The following CDK5RAP2 variants were observed in gnomAD, a reference collection of about 807,000 sequenced individuals.
CDK5RAP2 encodes CDK5 regulatory subunit-associated protein 2.
A neutral mutation model predicts 232.9 loss-of-function variants in CDK5RAP2; 147 were observed. The observed-to-expected ratio is 0.63, with a 90% confidence interval of 0.55 to 0.72. CDK5RAP2 has a LOEUF of 0.72. CDK5RAP2 is among the 30% of genes least tolerant of loss of function. CDK5RAP2 has a pLI of 0.00. For synonymous variants in CDK5RAP2, 833 were observed against 833.7 expected, an observed-to-expected ratio of 1.00 and a Z score of 0.01; for missense variants, 2,195 against 2,231.5, an observed-to-expected ratio of 0.98 and a Z score of 0.33.
chr9:120,577,964 T>A (rs769398398), intron 1 of CDK5RAP2, among the ~76,000 whole-genome samples: 28 of 152,280 alleles, frequency 1.8e-4, no homozygotes, highest in Non-Finnish European at 3.4e-4. Context: ...GAAGAGCAGA[T>A]TTATATTTAA....
At chr9:120,461,057 A>G (rs1001035298) in intron 18 of CDK5RAP2, among the ~76,000 whole-genome samples, 12 of 152,272 alleles carry the variant, frequency 7.9e-5, no homozygotes, top group African/African-American at 1.7e-4. Context: ...GAAAATAGCT[A>G]TTGATGGAAT....
intron 29 of CDK5RAP2, among the ~76,000 whole-genome samples, chr9:120,411,070 A>T (rs1484676201): frequency 6.6e-6 from 1 of 152,194 alleles, no homozygotes; most frequent in African/African-American, 2.4e-5. Flanking sequence ...GTGACAAGCA[A>T]ATAAAGTAAC....
intron 22 of CDK5RAP2, among the ~76,000 whole-genome samples, chr9:120,444,092 C>CA (rs1349963635): frequency 6.6e-6 from 1 of 152,024 alleles, no homozygotes; most frequent in Admixed American, 6.5e-5. Context: ...GGTGTCTCAG[C>CA]AAAAAATAAA....
Position 120,394,508 on chromosome 9 carries a change from T to C in CDK5RAP2, c.5578+4A>G. 6.2e-7 allele frequency: 1 copy of C among 1,614,146 alleles called. No homozygotes were observed. Among genetic ancestry groups the C allele is most frequent in the Non-Finnish European group, 8.5e-7 (1 of 1,180,026 alleles). On this transcript the variant is annotated splice_donor_region_variant and intron_variant, in intron 36 of 37. Coordinates refer to ENST00000349780, the MANE Select transcript of CDK5RAP2 (RefSeq NM_018249.6). ...GCATAGCGGCCACCCCCACACTCAC[T>C]CACATTGATCAAAGATGACTTTTTC... is the stretch of plus-strand genomic sequence containing the variant.
At chr9:120,522,569 T>C (rs2040719237) in intron 11 of CDK5RAP2, among the ~76,000 whole-genome samples, 1 of 152,252 alleles carries the variant, frequency 6.6e-6, no homozygotes, top group Non-Finnish European at 1.5e-5. Flanking sequence ...AAGTACTTTA[T>C]AAATTTCCTA....
In CDK5RAP2 at chr9:120,470,233, G is replaced by T; in HGVS notation, c.1859-13C>A. 1.8e-4 allele frequency: 188 copies of T among 1,024,514 alleles called. No individual in the cohort carries two copies. The highest frequency in any genetic ancestry group is 4.8e-4 in the Middle Eastern group (2 of 4,188). The allele number at this position is 1,024,514 out of a possible 1,614,324, so 63.5% of individuals were successfully genotyped here. On this transcript the variant is annotated splice_polypyrimidine_tract_variant and intron_variant, in intron 16 of 37. Transcript: ENST00000349780. ...GAAAATGATTCTTCTGCCCAAAAAA[G>T]AAAAAAAAAAGGTGGGGAGGGGGAG...
intron 7 of CDK5RAP2, 106 bp downstream of exon 7, chr9:120,536,266 G>A (rs2041379823): frequency 7.9e-7 from 1 of 1,271,438 alleles, no homozygotes; most frequent in South Asian, 1.2e-5. Context: ...AGTCCTATGG[G>A]AAACATGGGG....
At position 120,388,982 on chromosome 9, in the gene CDK5RAP2, T is replaced by TCA; in HGVS notation, c.*253_*254insTG. On this transcript the variant is annotated 3_prime_UTR_variant, in exon 38 of 38. Coordinates refer to ENST00000349780, the MANE Select transcript of CDK5RAP2 (RefSeq NM_018249.6). Reference sequence around the variant, plus strand: ...GCCCACCAAGGCGCACAGCCTCAACTCCGGTGCCTGCCCCTGATCTGAAAT... The same window carrying TCA: ...GCCCACCAAGGCGCACAGCCTCAACTCACCGGTGCCTGCCCCTGATCTGAAAT... 1 of 579,014 alleles carries TCA rather than the reference T, an allele frequency of 1.7e-6. No individual in the cohort carries two copies. Among genetic ancestry groups the TCA allele is most frequent in the Non-Finnish European group, 3.1e-6 (1 of 326,768 alleles). The allele number at this position is 579,014 out of a possible 1,614,324, so 35.9% of individuals were successfully genotyped here.
At chr9:120,441,374 T>TTG (rs953976283) in intron 23 of CDK5RAP2, among the ~76,000 whole-genome samples, 5 of 152,184 alleles carry the variant, frequency 3.3e-5, no homozygotes, top group South Asian at 2.1e-4. Context: ...CACTGAAAAG[T>TTG]TGTGTGTGTG....
At chr9:120,498,084 A>G (rs1163288849) in intron 12 of CDK5RAP2, among the ~76,000 whole-genome samples, 1 of 152,212 alleles carries the variant, frequency 6.6e-6, no homozygotes, top group African/African-American at 2.4e-5. Context: ...CATGTTCCAT[A>G]TGCCGCAAAG....
At chr9:120,574,953 G>A (rs2042978350) in intron 1 of CDK5RAP2, among the ~76,000 whole-genome samples, 1 of 151,934 alleles carries the variant, frequency 6.6e-6, no homozygotes, top group South Asian at 2.1e-4. Context: ...CTTCCCGGAG[G>A]TTGGGGGTGG....
At chr9:120,486,137 C>T (rs1327508045) in intron 14 of CDK5RAP2, among the ~76,000 whole-genome samples, 1 of 152,164 alleles carries the variant, frequency 6.6e-6, no homozygotes, top group East Asian at 1.9e-4. Context: ...CCTGGTCCCT[C>T]CCTAGGGACC....
intron 34 of CDK5RAP2, 90 bp from the exon 35 acceptor site, chr9:120,400,975 G>T: frequency 6.9e-7 from 1 of 1,442,478 alleles, no homozygotes; most frequent in Non-Finnish European, 9.6e-7. Context: ...TCTCCAGACT[G>T]TAGGGCTTCT....
At chr9:120,414,398 A>C (rs1386145248) in intron 28 of CDK5RAP2, among the ~76,000 whole-genome samples, 1 of 152,224 alleles carries the variant, frequency 6.6e-6, no homozygotes, top group African/African-American at 2.4e-5. Flanking sequence ...CTAGAGCAAT[A>C]AGGAAAGATG....
chr9:120,390,507 G>A (rs1047071920), intron 36 of CDK5RAP2, among the ~76,000 whole-genome samples: 4 of 152,176 alleles, frequency 2.6e-5, no homozygotes, highest in African/African-American at 9.7e-5. Flanking sequence ...CCGTGCATGA[G>A]AATTCCCAGG....
chr9:120,567,516 A>T (rs2042690185), intron 3 of CDK5RAP2, among the ~76,000 whole-genome samples: 1 of 152,258 alleles, frequency 6.6e-6, no homozygotes, highest in Non-Finnish European at 1.5e-5. Context: ...TTCCCATGAT[A>T]AATGAGAGCA....
intron 14 of CDK5RAP2, among the ~76,000 whole-genome samples, chr9:120,484,868 C>T (rs554164250): frequency 1.3e-5 from 2 of 152,018 alleles, no homozygotes; most frequent in South Asian, 4.2e-4. Flanking sequence ...GCGTGCACCA[C>T]TGTGCCAACC....
intron 28 of CDK5RAP2, among the ~76,000 whole-genome samples, chr9:120,414,262 G>A (rs112068128): frequency 6.6e-4 from 101 of 152,210 alleles, no homozygotes; most frequent in African/African-American, 1.5e-3. Context: ...ATTGCTCAAC[G>A]TCACAAAGCT....
At chr9:120,464,629 G>C (rs1280214330) in intron 18 of CDK5RAP2, among the ~76,000 whole-genome samples, 2 of 152,080 alleles carry the variant, frequency 1.3e-5, no homozygotes, top group East Asian at 1.9e-4. Flanking sequence ...TACTGGACAA[G>C]AATCTGCATT....
Sources: allele counts gnomAD v4.1 joint callset (sites outside exome capture counted in the v4.1 genomes callset), GRCh38; gene constraint gnomAD v4.1.1; transcripts MANE v1.5; gene names NCBI Gene and HGNC (gene_info 2026-07-23, HGNC 2026-07-21).